The following MCM3AP variants were observed in gnomAD, a reference collection of about 807,000 sequenced individuals.
MCM3AP encodes the protein minichromosome maintenance complex component 3 associated protein.
MCM3AP carries 126 observed loss-of-function variants against 184.1 expected under a neutral mutation model. The ratio of observed to expected loss-of-function variants is 0.68; its 90% CI spans 0.59 to 0.79. MCM3AP has a LOEUF of 0.79. MCM3AP is among the 30% of genes least tolerant of loss of function. The pLI, the probability that MCM3AP is intolerant of heterozygous loss-of-function variation, is 0.00. For synonymous variants in MCM3AP, 1,002 were observed against 979.3 expected (o/e 1.02, Z -0.43); for missense variants, 2,496 against 2,479.2 (o/e 1.01, Z -0.14).
At chr21:46,240,589 T>G (rs2080643888) in intron 26 of MCM3AP, among the ~76,000 whole-genome samples, 1 of 152,184 alleles carries the variant, frequency 6.6e-6, no homozygotes, top group East Asian at 1.9e-4. Flanking sequence ...TAATAAATAA[T>G]AAATGAAATT....
At chr21:46,259,815 G>C (rs1224714727) in intron 15 of MCM3AP, among the ~76,000 whole-genome samples, 1 of 149,880 alleles carries the variant, frequency 6.7e-6, no homozygotes, top group East Asian at 2.0e-4. Flanking sequence ...AGGAGGCTGA[G>C]AATGGCGTGA....
At chr21:46,237,100 ATTTT>A (rs10552880) in intron 26 of MCM3AP, 121 bp from the exon 27 acceptor site, 184 of 213,182 alleles carry the variant, frequency 8.6e-4, no homozygotes, top group Middle Eastern at 1.5e-3. Context: ...ATTTTATATA[ATTTT>A]TTTTTTTTTT....
Position 46,267,092 on chromosome 21 carries a change from T to C in MCM3AP, c.2679A>G (p.Thr893=). 2 of 1,614,170 alleles carry C rather than the reference T, an allele frequency of 1.2e-6. No individual in the cohort carries two copies. Among genetic ancestry groups the C allele is most frequent in the Non-Finnish European group, 1.7e-6 (2 of 1,180,030 alleles). ...CCAGGGGAAAGATGGTAGATCGCTG[T>C]GTGCTCACCGTGTACGCAAAGTTGA... The part of the protein sequence containing the change: ...RALNFAYTVS[T]QRSTIFPLDG... Residue 893 remains threonine, a synonymous_variant, in exon 10 of 28, where the codon ACA becomes ACG. Transcript: ENST00000291688.
At chr21:46,270,171 T>C (rs2081161981) in intron 9 of MCM3AP, 1 of 379,650 alleles carries the variant, frequency 2.6e-6, no homozygotes, top group Admixed American at 4.5e-5. Context: ...ATTTTTCTTA[T>C]TTGAACCATG....
chr21:46,251,886 T>TTTTTC (rs1334445716), intron 19 of MCM3AP: 2 of 324,140 alleles, frequency 6.2e-6, no homozygotes, highest in Non-Finnish European at 1.1e-5. Flanking sequence ...TCGTTCTTTT[T>TTTTTC]TTTTTTTTTT....
chr21:46,284,846 T>C lies in MCM3AP; in HGVS notation c.441A>G (p.Lys147=), dbSNP rs2081385575. 6.2e-7 allele frequency: 1 copy of C among 1,614,096 alleles called. No homozygotes were observed. Among genetic ancestry groups the C allele is most frequent in the Non-Finnish European group, 8.5e-7 (1 of 1,180,032 alleles). ...SGFGKTEFSF[K]PLENAVFKPI... The stretch of plus-strand genomic sequence containing the variant: ...GTTTGAACACTGCATTTTCCAGAGG[T>C]TTAAAGCTGAATTCTGTTTTCCCAA... Residue 147 remains lysine (K), a synonymous_variant, in exon 1 of 28, where the codon AAA becomes AAG. Transcript: ENST00000291688.
chr21:46,257,586 T>C (rs1242281268), intron 16 of MCM3AP, among the ~76,000 whole-genome samples: 1 of 151,710 alleles, frequency 6.6e-6, no homozygotes, highest in East Asian at 2.0e-4. Flanking sequence ...GAGATGTCTG[T>C]CTGTACAACA....
intron 13 of MCM3AP, among the ~76,000 whole-genome samples, chr21:46,262,169 C>G (rs1183000201): frequency 2.0e-5 from 3 of 152,198 alleles, no homozygotes; most frequent in African/African-American, 7.2e-5. Context: ...AAGGAGACTT[C>G]CAAACAAAGA....
chr21:46,256,702 C>T, intron 17 of MCM3AP, 87 bp downstream of exon 17: 1 of 1,459,634 alleles, frequency 6.9e-7, no homozygotes, highest in Non-Finnish European at 9.2e-7. Flanking sequence ...TATCTTCACC[C>T]TCCAAACACA....
chr21:46,266,550 GTGT>G, intron 10 of MCM3AP: 2 of 234,224 alleles, frequency 8.5e-6, no homozygotes, highest in Admixed American at 1.1e-4. Flanking sequence ...CGGGTGTTGA[GTGT>G]AAGCTGCCAG....
At chr21:46,280,622 A>C in intron 2 of MCM3AP, 47 bp from the exon 3 acceptor site, 1 of 1,322,212 alleles carries the variant, frequency 7.6e-7, no homozygotes. Context: ...TCAGGAAACC[A>C]AAGGAAATGG....
At chr21:46,281,937 G>T (rs1228935685) in intron 2 of MCM3AP, among the ~76,000 whole-genome samples, 1 of 152,126 alleles carries the variant, frequency 6.6e-6, no homozygotes, top group Non-Finnish European at 1.5e-5. Flanking sequence ...GGTAAAGGTT[G>T]AAGTGAGCCA....
chr21:46,262,744 G>A (rs2081056006), intron 13 of MCM3AP, among the ~76,000 whole-genome samples: 1 of 151,668 alleles, frequency 6.6e-6, no homozygotes, highest in South Asian at 2.1e-4. Flanking sequence ...GAGGCGGGTG[G>A]ATCAGGAGGT....
At position 46,273,399 on chromosome 21, in the gene MCM3AP, C is replaced by T. The variant is rs1460756365; in HGVS notation, c.2185G>A (p.Gly729Ser). The T allele has an allele frequency of 1.2e-6, 2 of 1,613,770 alleles. No individual in the cohort carries two copies. The highest frequency in any genetic ancestry group is 1.7e-5 in the Admixed American group (1 of 60,000). ...WYDFVWNRTR[G>S]IRKDITQQHL... ...GAGGCAGCCAATACCTTCCGTATGC[C>T]ACGCGTGCGGTTCCACACGAAGTCA... Residue 729 changes from glycine to serine, a missense_variant, in exon 7 of 28, where the codon GGC (glycine) becomes AGC (serine). Transcript: ENST00000291688.
intron 12 of MCM3AP, among the ~76,000 whole-genome samples, 191 bp downstream of exon 12, chr21:46,265,130 G>C (rs1475384520): frequency 6.6e-6 from 1 of 152,250 alleles, no homozygotes. Flanking sequence ...AAGCTCCTGA[G>C]ATGAAGACGG....
intron 9 of MCM3AP, among the ~76,000 whole-genome samples, chr21:46,268,978 C>T (rs62223659): frequency 0.28 from 43,207 of 151,962 alleles, 7,101 homozygotes; most frequent in Admixed American, 0.39. Context: ...GCAGAAGTTG[C>T]GGTGAGCAGA....
intron 17 of MCM3AP, 80 bp downstream of exon 17, chr21:46,256,707 AAC>A: frequency 6.8e-7 from 1 of 1,475,112 alleles, no homozygotes; most frequent in Non-Finnish European, 9.1e-7. Context: ...TCACCCTCCA[AAC>A]ACACACATTA....
At chr21:46,276,187 C>A (rs1029093766) in intron 5 of MCM3AP, among the ~76,000 whole-genome samples, 1 of 151,404 alleles carries the variant, frequency 6.6e-6, no homozygotes, top group Non-Finnish European at 1.5e-5. Flanking sequence ...GGGAGGCGGA[C>A]GTTGCAGTGA....
chr21:46,283,007 C>G (rs1014061541), intron 2 of MCM3AP, among the ~76,000 whole-genome samples: 2 of 151,462 alleles, frequency 1.3e-5, no homozygotes, highest in Non-Finnish European at 2.9e-5. Context: ...CTCACTGCAA[C>G]CGCCGCCTCC....
Sources: gnomAD v4.1 joint callset for allele counts (sites outside exome capture counted in the v4.1 genomes callset) on GRCh38, gnomAD v4.1.1 for gene constraint, MANE v1.5 for transcripts, NCBI Gene and HGNC (gene_info 2026-07-23, HGNC 2026-07-21) for gene names.